ARHGAP20: variants seen among roughly 807,000 people sequenced by gnomAD.
ARHGAP20 encodes rho GTPase-activating protein 20.
Under a neutral mutation model 73.7 loss-of-function variants are expected in ARHGAP20, and 34 were observed. The ratio of observed to expected loss-of-function variants is 0.46; its 90% CI spans 0.35 to 0.61. ARHGAP20 has a LOEUF of 0.61. Among genes scored for constraint, ARHGAP20 ranks in the 20% least tolerant of loss-of-function variants. The pLI is 0.00. For synonymous variants in ARHGAP20, 523 were observed against 518.2 expected, an observed-to-expected ratio of 1.01 and a Z score of -0.13; for missense variants, 1,314 against 1,420.9, an observed-to-expected ratio of 0.92 and a Z score of 1.21.
chr11:110,662,724 T>C (rs532690458), intron 2 of ARHGAP20, among the ~76,000 whole-genome samples: 3 of 152,044 alleles, frequency 2.0e-5, no homozygotes, highest in South Asian at 2.1e-4. Flanking sequence ...TGAATCTGAA[T>C]TGGAAATCAA....
chr11:110,578,203 A>C lies in ARHGAP20; in HGVS notation c.*1167T>G. 2.0e-6 allele frequency: 2 copies of C among 985,474 alleles called. No homozygotes were observed. The highest frequency in any genetic ancestry group is 2.4e-6 in the Non-Finnish European group (2 of 829,932). 61.0% of individuals were successfully genotyped at this position (985,474 alleles called of 1,614,324 possible). A position where few individuals can be genotyped will look rare whatever the true frequency, so the allele number is the denominator to read the frequency against. On this transcript the variant is annotated 3_prime_UTR_variant, in exon 15 of 15. Transcript: ENST00000683387. ...ACCAATGGGGTATAAGCCATGAAACATTTGGGGCAAAAATATGGAACAACG... is the reference window on the plus strand; with the variant it reads ...ACCAATGGGGTATAAGCCATGAAACCTTTGGGGCAAAAATATGGAACAACG...
At position 110,630,824 on chromosome 11, in the gene ARHGAP20, A is replaced by G. The variant is rs1279054768; in HGVS notation, c.189-32T>C. 5.6e-6 allele frequency: 9 copies of G among 1,600,932 alleles called. No individual in the cohort carries two copies. In the Admixed American group the frequency reaches 1.0e-4, roughly 18 times the overall value. The stretch of plus-strand genomic sequence containing the variant: ...CAGATCAAATGCCACAGATCAGTCA[A>G]ACGATCATCTTATAGTTGGTCAAGA... On this transcript the variant is annotated intron_variant, in intron 2 of 14. Transcript: ENST00000683387.
chr11:110,690,115 T>A (rs1270820120), intron 2 of ARHGAP20, among the ~76,000 whole-genome samples: 4 of 152,172 alleles, frequency 2.6e-5, no homozygotes, highest in Non-Finnish European at 4.4e-5. Context: ...TATTCCATTT[T>A]AAAAAATAAT....
intron 4 of ARHGAP20, among the ~76,000 whole-genome samples, chr11:110,616,920 C>T (rs1008726448): frequency 1.3e-5 from 2 of 151,886 alleles, no homozygotes; most frequent in African/African-American, 4.8e-5. Context: ...ATTTTTTTAA[C>T]TTTTAACTGA....
At chr11:110,606,889 A>ACACTG (rs1398168668) in intron 8 of ARHGAP20, 140 bp from the exon 9 acceptor site, 1 of 727,358 alleles carries the variant, frequency 1.4e-6, no homozygotes, top group African/African-American at 1.8e-5. Context: ...ATGATCATTT[A>ACACTG]CACTCTTACA....
rs1175405353 is a variant in ARHGAP20, at chr11:110,581,209, T to C, written c.1737A>G (p.Gln579=). The C allele has an allele frequency of 4.4e-6, 7 of 1,606,384 alleles. No individual in the cohort carries two copies. The highest frequency in any genetic ancestry group is 3.4e-5 in the Admixed American group (2 of 58,692). ...RENASDISCF[Q]LNDSSYDSLE... The stretch of plus-strand genomic sequence containing the variant: ...AGCTGTCATAGGAGGAGTCATTCAG[T>C]TGAAAGCAAGAAATATCTGTCAAAA... Residue 579 remains glutamine (Q), a synonymous_variant, in exon 15 of 15, where the codon CAA becomes CAG. Coordinates refer to ENST00000683387, the MANE Select transcript of ARHGAP20 (RefSeq NM_001384657.1).
chr11:110,685,587 AAT>A (rs139911226), intron 2 of ARHGAP20, among the ~76,000 whole-genome samples: 3,791 of 152,220 alleles, frequency 0.025, 146 homozygotes, highest in African/African-American at 0.08. Flanking sequence ...TTAACACATA[AAT>A]ACAGTTAACT....
intron 3 of ARHGAP20, 83 bp downstream of exon 3, chr11:110,630,545 C>G: frequency 7.4e-7 from 1 of 1,353,302 alleles, no homozygotes; most frequent in Non-Finnish European, 1.0e-6. Context: ...GACATTCTTA[C>G]AGTAAGCATT....
intron 3 of ARHGAP20, among the ~76,000 whole-genome samples, chr11:110,625,418 T>C (rs527276738): frequency 1.3e-5 from 2 of 152,328 alleles, no homozygotes; most frequent in South Asian, 4.1e-4. Context: ...GAAGAATTTA[T>C]AATATATTTT....
At chr11:110,643,325 GTTCTTGTTA>G (rs1490621859) in intron 2 of ARHGAP20, among the ~76,000 whole-genome samples, 1 of 151,934 alleles carries the variant, frequency 6.6e-6, no homozygotes, top group African/African-American at 2.4e-5. Flanking sequence ...GGATTGCTTT[GTTCTTGTTA>G]TTCTAGTTCC....
intron 1 of ARHGAP20, chr11:110,711,662 T>C: frequency 1.4e-6 from 2 of 1,467,112 alleles, no homozygotes; most frequent in Non-Finnish European, 1.8e-6. Flanking sequence ...GCCTACCTTC[T>C]TCAGCGCCGG....
At chr11:110,625,054 G>A (rs576690824) in intron 3 of ARHGAP20, among the ~76,000 whole-genome samples, 100 of 138,414 alleles carry the variant, frequency 7.2e-4, no homozygotes, top group South Asian at 5.2e-3. Context: ...TTTTTGAGAC[G>A]GAGTCTCGCT....
intron 2 of ARHGAP20, among the ~76,000 whole-genome samples, chr11:110,667,132 T>G (rs1949739636): frequency 6.6e-6 from 1 of 152,228 alleles, no homozygotes; most frequent in Admixed American, 6.5e-5. Context: ...AGATAATTGA[T>G]GAAAATGGCT....
At chr11:110,674,492 C>T (rs1949892715) in intron 2 of ARHGAP20, among the ~76,000 whole-genome samples, 1 of 152,156 alleles carries the variant, frequency 6.6e-6, no homozygotes, top group African/African-American at 2.4e-5. Context: ...TGACAAGTCA[C>T]AGCCAAAATG....
intron 2 of ARHGAP20, among the ~76,000 whole-genome samples, chr11:110,652,751 G>C (rs1418092711): frequency 2.0e-5 from 3 of 151,984 alleles, no homozygotes; most frequent in African/African-American, 7.3e-5. Context: ...ACAAACAAAT[G>C]GAAAAACATT....
chr11:110,647,310 G>A (rs1949217264), intron 2 of ARHGAP20, among the ~76,000 whole-genome samples: 1 of 152,082 alleles, frequency 6.6e-6, no homozygotes, highest in African/African-American at 2.4e-5. Flanking sequence ...AGTATAGGTG[G>A]AGAACAGGTT....
Position 110,580,002 on chromosome 11 carries a change from G to A in ARHGAP20, c.2944C>T (p.Gln982Ter), listed in dbSNP as rs751511045. 16 of 1,614,102 alleles carry A rather than the reference G, an allele frequency of 9.9e-6. No individual in the cohort carries two copies. The highest frequency in any genetic ancestry group is 1.4e-5 in the Non-Finnish European group (16 of 1,180,054). The change falls in exon 15 of 15, where the codon CAG becomes TAG. Residue 982 changes from glutamine to a stop codon, truncating the protein, a stop_gained. Transcript: ENST00000683387. LOFTEE classifies it low-confidence loss of function (END_TRUNC). ...GGAGAAAGGTCTTCCCGTTTTCTCT[G>A]AGCCTGAAAAGTGCAATCTATTGGA... is the stretch of plus-strand genomic sequence containing the variant. ...SSPIDCTFQAQRKREDLSPDF... is the reference protein window; with the variant it reads ...SSPIDCTFQA
intron 1 of ARHGAP20, among the ~76,000 whole-genome samples, chr11:110,698,332 T>C (rs756970102): frequency 2.6e-5 from 4 of 151,908 alleles, no homozygotes; most frequent in African/African-American, 7.2e-5. Flanking sequence ...TAGTATTTTG[T>C]GGAGGATTTC....
intron 12 of ARHGAP20, among the ~76,000 whole-genome samples, chr11:110,585,009 G>GTGAACATA (rs1276993652): frequency 1.9e-5 from 2 of 105,938 alleles, no homozygotes; most frequent in African/African-American, 3.0e-5. Flanking sequence ...ATATGAATAT[G>GTGAACATA]TATGTGAACA....
Sources: gnomAD v4.1 joint callset for allele counts (sites outside exome capture counted in the v4.1 genomes callset) on GRCh38, gnomAD v4.1.1 for gene constraint, MANE v1.5 for transcripts, NCBI Gene and HGNC (gene_info 2026-07-23, HGNC 2026-07-21) for gene names.